The following ANXA8 variants were observed in gnomAD, a reference collection of about 807,000 sequenced individuals.
ANXA8 encodes the protein VAC-beta.
Under a neutral mutation model 26.8 loss-of-function variants are expected in ANXA8, and 9 were observed. The observed-to-expected ratio is 0.34, with a 90% confidence interval of 0.20 to 0.59. The LOEUF (loss-of-function observed/expected upper bound fraction) is 0.59, where lower values mean the gene tolerates loss of function less well. ANXA8 is among the 20% of genes least tolerant of loss of function. The pLI is 0.84. For synonymous variants in ANXA8, 39 were observed against 94.8 expected (o/e 0.41, Z 3.42); for missense variants, 83 against 238.5 (o/e 0.35, Z 4.29).
chr10:47,969,376 A>C, the ANXA8 span, among the ~76,000 whole-genome samples: 5 of 150,806 alleles, frequency 3.3e-5, no homozygotes, highest in African/African-American at 9.7e-5. Flanking sequence ...ATTTCCACAA[A>C]TTTATGATTT....
chr10:47,776,743 GA>G, the ANXA8 span, among the ~76,000 whole-genome samples: 1 of 151,940 alleles, frequency 6.6e-6, no homozygotes, highest in East Asian at 1.9e-4. Flanking sequence ...GGTAGAGTGT[GA>G]GTAATATATT....
chr10:47,769,784 G>T, the ANXA8 span, among the ~76,000 whole-genome samples: 1 of 152,310 alleles, frequency 6.6e-6, no homozygotes, highest in South Asian at 2.1e-4. Flanking sequence ...CCCTGTACCG[G>T]TATTGTACTC....
chr10:47,504,753 CT>C, the ANXA8 span, among the ~76,000 whole-genome samples: 1 of 138,994 alleles, frequency 7.2e-6, no homozygotes, highest in Non-Finnish European at 1.5e-5. Context: ...TGCATTGTGC[CT>C]GTGTATAAAC....
chr10:47,573,732 A>C, the ANXA8 span, among the ~76,000 whole-genome samples: 1 of 53,854 alleles, frequency 1.9e-5, no homozygotes, highest in African/African-American at 6.0e-5. Flanking sequence ...AGGTTTGGGT[A>C]GGTTAGACTT....
At chr10:47,588,111 G>T in the ANXA8 span, among the ~76,000 whole-genome samples, 2 of 144,342 alleles carry the variant, frequency 1.4e-5, no homozygotes, top group Non-Finnish European at 2.9e-5. Flanking sequence ...AAGTAATCTT[G>T]GTTCAACCCA....
the ANXA8 span, among the ~76,000 whole-genome samples, chr10:47,673,164 C>T: frequency 2.0e-5 from 3 of 151,630 alleles, no homozygotes; most frequent in African/African-American, 7.3e-5. Flanking sequence ...TATGCACCCA[C>T]ACTCCAGCTC....
At chr10:47,977,270 G>A in the ANXA8 span, among the ~76,000 whole-genome samples, 4 of 134,634 alleles carry the variant, frequency 3.0e-5, no homozygotes, top group East Asian at 6.3e-4. Context: ...GGAAATTCAC[G>A]AAACAGAGAA....
chr10:47,688,461 G>A, the ANXA8 span, among the ~76,000 whole-genome samples: 15 of 149,244 alleles, frequency 1.0e-4, no homozygotes, highest in Non-Finnish European at 1.6e-4. Flanking sequence ...TCGCTTTGTC[G>A]CCCAGGCTGG....
At chr10:47,900,841 A>G in the ANXA8 span, among the ~76,000 whole-genome samples, 2 of 150,854 alleles carry the variant, frequency 1.3e-5, no homozygotes, top group African/African-American at 4.9e-5. Flanking sequence ...TATACACTAT[A>G]TTATAGAAGA....
At chr10:47,952,017 G>C in the ANXA8 span, among the ~76,000 whole-genome samples, 1 of 150,372 alleles carries the variant, frequency 6.7e-6, no homozygotes, top group African/African-American at 2.5e-5. Context: ...TGATGATCTA[G>C]ATAGATGTTA....
At chr10:47,772,321 C>T in the ANXA8 span, among the ~76,000 whole-genome samples, 1 of 152,122 alleles carries the variant, frequency 6.6e-6, no homozygotes, top group Non-Finnish European at 1.5e-5. Context: ...CTTCTAACAC[C>T]AAGTTCAAAG....
At chr10:47,775,297 T>C in the ANXA8 span, among the ~76,000 whole-genome samples, 2 of 143,534 alleles carry the variant, frequency 1.4e-5, no homozygotes, top group Non-Finnish European at 3.1e-5. Flanking sequence ...CACTTGAACC[T>C]GGGAGGCAGA....
chr10:47,976,693 T>C, the ANXA8 span, among the ~76,000 whole-genome samples: 18 of 149,226 alleles, frequency 1.2e-4, no homozygotes, highest in African/African-American at 4.2e-4. Flanking sequence ...TACTATTTGA[T>C]CTGTCTGACA....
the ANXA8 span, among the ~76,000 whole-genome samples, chr10:47,970,765 A>G: frequency 6.6e-6 from 1 of 151,236 alleles, no homozygotes; most frequent in African/African-American, 2.4e-5. Context: ...CCCTGAAAAA[A>G]CCCAAAGGCC....
At chr10:47,757,330 TG>T in the ANXA8 span, 1 of 74,050 alleles carries the variant, frequency 1.4e-5, no homozygotes, top group Non-Finnish European at 2.6e-5. Flanking sequence ...CGAGGGGGGC[TG>T]GGGAGGCCAA....
At chr10:47,587,596 C>A in the ANXA8 span, among the ~76,000 whole-genome samples, 1 of 147,014 alleles carries the variant, frequency 6.8e-6, no homozygotes, top group African/African-American at 2.7e-5. Flanking sequence ...ACTTGTGTGC[C>A]CTTGGGCAGG....
the ANXA8 span, among the ~76,000 whole-genome samples, chr10:47,907,151 C>T: frequency 1.3e-5 from 2 of 151,720 alleles, no homozygotes; most frequent in African/African-American, 2.4e-5. Context: ...GTCAGGAGAT[C>T]GAGACCATCC....
At chr10:47,631,422 A>C in the ANXA8 span, among the ~76,000 whole-genome samples, 2 of 151,326 alleles carry the variant, frequency 1.3e-5, no homozygotes, top group Non-Finnish European at 2.9e-5. Context: ...ATCTTTGCAC[A>C]GTAAGGCCTT....
the ANXA8 span, among the ~76,000 whole-genome samples, chr10:47,779,090 T>C: frequency 6.8e-6 from 1 of 146,356 alleles, no homozygotes. Flanking sequence ...AAGCAATAGT[T>C]TTTTTTTTTA....
Sources: allele counts gnomAD v4.1 joint callset (sites outside exome capture counted in the v4.1 genomes callset), GRCh38; gene constraint gnomAD v4.1.1; transcripts MANE v1.5; gene names NCBI Gene and HGNC (gene_info 2026-07-23, HGNC 2026-07-21).